PROZ: variants seen among roughly 807,000 people sequenced by gnomAD.
The protein encoded by PROZ is vitamin K-dependent protein Z.
PROZ carries 46 observed loss-of-function variants against 34.9 expected under a neutral mutation model. That is an observed-to-expected ratio of 1.32 (90% confidence interval 1.04 to 1.69). The LOEUF is 1.69. Among genes scored for constraint, PROZ ranks in the 40% most tolerant of loss-of-function variants. The pLI is 0.00. For missense variants in PROZ, 530 were observed against 520.4 expected (o/e 1.02, Z -0.18); for synonymous variants, 195 against 208.5 (o/e 0.94, Z 0.56).
chr13:113,170,272 G>A lies in PROZ; in HGVS notation c.574-141G>A, dbSNP rs1352906524. ...CTGTACCATTTGAGTGCTGGGGCAA[G>A]AATCAAATACGGCTGTCTGCCTTTG... On this transcript the variant is annotated intron_variant, in intron 6 of 7. Coordinates refer to ENST00000375547, the MANE Select transcript of PROZ (RefSeq NM_003891.3). The A allele has an allele frequency of 8.4e-6, 5 of 598,232 alleles. No homozygotes were observed. The African/African-American group carries it at 1.1e-4, about 14-fold the overall frequency. The allele number at this position is 598,232 out of a possible 1,614,324, so 37.1% of individuals were successfully genotyped here. A position where few individuals can be genotyped will look rare whatever the true frequency, so the allele number is the denominator to read the frequency against.
intron 6 of PROZ, among the ~76,000 whole-genome samples, chr13:113,167,558 CCT>C (rs1325676787): frequency 1.3e-5 from 2 of 152,180 alleles, no homozygotes; most frequent in African/African-American, 4.8e-5. Flanking sequence ...TCTAAAATCC[CCT>C]TTGTCTGATA....
rs1256331114 is a variant in PROZ, at chr13:113,171,225, T to A, written c.692-369T>A. 6.6e-6 allele frequency among the ~76,000 whole-genome samples: 1 copy of A among 152,150 alleles called. No individual in the cohort carries two copies. Among genetic ancestry groups the A allele is most frequent in the Non-Finnish European group, 1.5e-5 (1 of 68,026 alleles). ...GATGTGAGCCACTGTGCCTGGCCCT[T>A]AAATATTTTTCAATCAACAAAATAA... On this transcript the variant is annotated intron_variant, in intron 7 of 7. Coordinates refer to ENST00000375547, the MANE Select transcript of PROZ (RefSeq NM_003891.3). The surrounding 1 kb of genome is among the most constrained non-coding windows in gnomAD (Gnocchi z 5.1).
intron 3 of PROZ, 101 bp downstream of exon 3, chr13:113,161,073 G>C (rs1244714390): frequency 3.7e-6 from 4 of 1,072,862 alleles, no homozygotes; most frequent in East Asian, 4.7e-5. Flanking sequence ...CGGATGCCAA[G>C]CCTCTGGCTC....
intron 2 of PROZ, 125 bp downstream of exon 2, chr13:113,160,302 C>A: frequency 1.6e-6 from 2 of 1,222,948 alleles, no homozygotes; most frequent in Non-Finnish European, 2.4e-6. Context: ...GAGGTTGACA[C>A]AATCCCAGTT....
In PROZ at chr13:113,171,373, G is replaced by C. The variant is rs1187892683; in HGVS notation, c.692-221G>C. Among the ~76,000 whole-genome samples, 1 of 152,160 alleles carries C rather than the reference G, an allele frequency of 6.6e-6. No individual in the cohort carries two copies. Among genetic ancestry groups the C allele is most frequent in the Admixed American group, 6.5e-5 (1 of 15,278 alleles). ...ACTCCAAAACAGAAGAACTAACCTT[G>C]ACTGTTTTTAAAGGCTGTGGCACTT... On this transcript the variant is annotated intron_variant, in intron 7 of 7. Coordinates refer to ENST00000375547, the MANE Select transcript of PROZ (RefSeq NM_003891.3). The surrounding 1 kb of genome is among the most constrained non-coding windows in gnomAD (Gnocchi z 5.1).
Position 113,159,469 on chromosome 13 carries a change from G to A in PROZ, c.71-545G>A, listed in dbSNP as rs1257014711. On this transcript the variant is annotated intron_variant, in intron 1 of 7. Coordinates refer to ENST00000375547, the MANE Select transcript of PROZ (RefSeq NM_003891.3). This position sits in a 1 kb window ranked among gnomAD's most constrained non-coding sequence, Gnocchi z 4.6. ...GGGCCTGGGCTTTGACCCTCCCGGA[G>A]AGGGAGAGAACATGCTTTGGGACCC... is the stretch of plus-strand genomic sequence containing the variant. 9.9e-5 allele frequency among the ~76,000 whole-genome samples: 15 copies of A among 152,140 alleles called. No individual in the cohort carries two copies. The highest frequency in any genetic ancestry group is 2.2e-4 in the Non-Finnish European group (15 of 68,024).
chr13:113,159,468 A>C lies in PROZ; in HGVS notation c.71-546A>C, dbSNP rs1442595121. On this transcript the variant is annotated intron_variant, in intron 1 of 7. Transcript: ENST00000375547. This position sits in a 1 kb window ranked among gnomAD's most constrained non-coding sequence, Gnocchi z 4.6. ...AGGGCCTGGGCTTTGACCCTCCCGG[A>C]GAGGGAGAGAACATGCTTTGGGACC... Among the ~76,000 whole-genome samples the C allele has an allele frequency of 1.3e-5, 2 of 151,874 alleles. No individual in the cohort carries two copies. Among genetic ancestry groups the C allele is most frequent in the Admixed American group, 1.3e-4 (2 of 15,254 alleles).
Position 113,171,705 on chromosome 13 carries a change from A to T in PROZ, c.803A>T (p.Glu268Val). 1 of 1,613,762 alleles carries T rather than the reference A, an allele frequency of 6.2e-7. No homozygotes were observed. Among genetic ancestry groups the T allele is most frequent in the Non-Finnish European group, 8.5e-7 (1 of 1,179,894 alleles). ...GENDLSLLEL[E>V]WPIQCPGAGL... The stretch of plus-strand genomic sequence containing the variant: ...AATGACCTGTCACTGCTGGAGCTGG[A>T]GTGGCCCATCCAGTGCCCAGGTGCG... The change falls in exon 8 of 8, where the codon GAG becomes GTG. Residue 268 changes from glutamate to valine, a missense_variant. Physicochemically the swap from Glu to Val is moderately radical, Grantham distance 121. Transcript: ENST00000375547. This position sits in a 1 kb window ranked among gnomAD's most constrained non-coding sequence, Gnocchi z 5.1.
chr13:113,160,023 C>T lies in PROZ; in HGVS notation c.80C>T (p.Pro27Leu), dbSNP rs201823929. Reference sequence around the variant, plus strand: ...CTTGTCTCGTCTGTAGTATTTCTCCCGGCCTCCAAAGCAAACGACGTTCTG... The same window carrying T: ...CTTGTCTCGTCTGTAGTATTTCTCCTGGCCTCCAAAGCAAACGACGTTCTG... The part of the protein sequence containing the change: ...LHRVEPSVFL[P>L]ASKANDVLVR... Residue 27 changes from proline to leucine, a missense_variant, in exon 2 of 8, where the codon CCG becomes CTG. Transcript: ENST00000375547. The T allele has an allele frequency of 1.7e-5, 27 of 1,614,066 alleles. No homozygotes were observed. The East Asian group carries it at 3.6e-4, about 21-fold the overall frequency.
At chr13:113,164,435 C>T in intron 4 of PROZ, 78 bp from the exon 5 acceptor site, 1 of 1,522,336 alleles carries the variant, frequency 6.6e-7, no homozygotes, top group Non-Finnish European at 9.0e-7. Flanking sequence ...CATGGACCAA[C>T]ACACAGAACT....
chr13:113,159,025 G>A lies in PROZ; in HGVS notation c.70+295G>A, dbSNP rs550462613. Among the ~76,000 whole-genome samples, 1 of 150,588 alleles carries A rather than the reference G, an allele frequency of 6.6e-6. No individual in the cohort carries two copies. The highest frequency in any genetic ancestry group is 2.1e-4 in the South Asian group (1 of 4,712). On this transcript the variant is annotated intron_variant, in intron 1 of 7. Coordinates refer to ENST00000375547, the MANE Select transcript of PROZ (RefSeq NM_003891.3). This position sits in a 1 kb window ranked among gnomAD's most constrained non-coding sequence, Gnocchi z 4.6. Reference sequence around the variant, plus strand: ...GGGGAGGGGGAAAGGGGGAGGAGTGGGGGGAGGCCTGGGTTGGGCATTGGA... The same window carrying A: ...GGGGAGGGGGAAAGGGGGAGGAGTGAGGGGAGGCCTGGGTTGGGCATTGGA...
In PROZ at chr13:113,171,437, G is replaced by A. The variant is rs947709685; in HGVS notation, c.692-157G>A. Reference sequence around the variant, plus strand: ...CAATCTGTGAGTGGCCTTTCTGTCCGCAGAAAGGCACAGTGTCCACACCAC... The same window carrying A: ...CAATCTGTGAGTGGCCTTTCTGTCCACAGAAAGGCACAGTGTCCACACCAC... On this transcript the variant is annotated intron_variant, in intron 7 of 7. Transcript: ENST00000375547. The surrounding 1 kb of genome is among the most constrained non-coding windows in gnomAD (Gnocchi z 5.1). Among the ~76,000 whole-genome samples the A allele has an allele frequency of 8.5e-5, 13 of 152,120 alleles. No individual in the cohort carries two copies. The highest frequency in any genetic ancestry group is 2.7e-4 in the African/African-American group (11 of 41,408).
At chr13:113,160,834 T>G in intron 2 of PROZ, 114 bp from the exon 3 acceptor site, 1 of 906,146 alleles carries the variant, frequency 1.1e-6, no homozygotes, top group East Asian at 2.5e-5. Context: ...TCAACCACTA[T>G]TGTCCTATTA....
rs115192457 is a variant in PROZ at position 113,159,930 on chromosome 13, G to A, written c.71-84G>A. On this transcript the variant is annotated intron_variant, in intron 1 of 7. Transcript: ENST00000375547. This position sits in a 1 kb window ranked among gnomAD's most constrained non-coding sequence, Gnocchi z 4.6. ...GGAGACGGACGGGGCTGGGGCTGGC[G>A]GCCGGCCGGGGAGGAAGCCAGGCAG... 2.0e-3 allele frequency: 3,055 copies of A among 1,543,176 alleles called. 66 individuals carry two copies. In the African/African-American group the frequency reaches 0.036, roughly 18 times the overall value.
Position 113,171,625 on chromosome 13 carries a change from G to C in PROZ, c.723G>C (p.Met241Ile). The C allele has an allele frequency of 1.2e-6, 2 of 1,614,156 alleles. No individual in the cohort carries two copies. Among genetic ancestry groups the C allele is most frequent in the Non-Finnish European group, 1.7e-6 (2 of 1,180,028 alleles). ...ACAGAACGAGCCAAGACCCGCTGAT[G>C]ATCAAGATAACGCACGTCCATGTGC... ...YFNRTSQDPL[M>I]IKITHVHVHM... The change falls in exon 8 of 8, where the codon ATG becomes ATC. Residue 241 changes from methionine (M) to isoleucine (I), a missense_variant. By Grantham distance (10) the Met-to-Ile change is conservative. Coordinates refer to ENST00000375547, the MANE Select transcript of PROZ (RefSeq NM_003891.3). The surrounding 1 kb of genome is among the most constrained non-coding windows in gnomAD (Gnocchi z 5.1).
chr13:113,164,354 G>A (rs772754492), intron 4 of PROZ, among the ~76,000 whole-genome samples, 159 bp from the exon 5 acceptor site: 2 of 152,184 alleles, frequency 1.3e-5, no homozygotes, highest in Admixed American at 6.5e-5. Flanking sequence ...AGAGGACAAC[G>A]ATCTGAAGAG....
At chr13:113,162,852 T>C (rs2036785581) in intron 3 of PROZ, among the ~76,000 whole-genome samples, 157 bp from the exon 4 acceptor site, 1 of 96,372 alleles carries the variant, frequency 1.0e-5, no homozygotes, top group African/African-American at 4.1e-5. Context: ...CACCCCACCC[T>C]CCTCCTGCTC....
intron 4 of PROZ, among the ~76,000 whole-genome samples, chr13:113,164,225 A>C (rs546568643): frequency 2.0e-5 from 3 of 151,758 alleles, no homozygotes; most frequent in Non-Finnish European, 4.4e-5. Flanking sequence ...TGATCCGCCC[A>C]CCTCGGCCTC....
chr13:113,164,379 G>GACCAAC, intron 4 of PROZ, 134 bp from the exon 5 acceptor site: 1 of 1,003,532 alleles, frequency 1.0e-6, no homozygotes, highest in Non-Finnish European at 1.5e-6. Flanking sequence ...AGAACACATG[G>GACCAAC]ACCAACACAC....
Sources: allele counts gnomAD v4.1 joint callset (sites outside exome capture counted in the v4.1 genomes callset), GRCh38; gene constraint gnomAD v4.1.1; non-coding constraint Gnocchi (gnomAD v3.1); transcripts MANE v1.5; gene names NCBI Gene and HGNC (gene_info 2026-07-23, HGNC 2026-07-21).